ANKRD36: variants seen among roughly 807,000 people sequenced by gnomAD.
ANKRD36 encodes ankyrin repeat domain 36.
Under a neutral mutation model 278.1 loss-of-function variants are expected in ANKRD36, and 179 were observed. The ratio of observed to expected loss-of-function variants is 0.64; its 90% CI spans 0.57 to 0.73. The LOEUF (loss-of-function observed/expected upper bound fraction) is 0.73, where lower values mean the gene tolerates loss of function less well. Among genes scored for constraint, ANKRD36 ranks in the 30% least tolerant of loss-of-function variants. ANKRD36 has a pLI of 0.00. For synonymous variants in ANKRD36, 320 were observed against 641.1 expected, an observed-to-expected ratio of 0.50 and a Z score of 7.57; for missense variants, 1,159 against 1,956.7, an observed-to-expected ratio of 0.59 and a Z score of 7.69.
intron 67 of ANKRD36, among the ~76,000 whole-genome samples, chr2:97,228,270 C>G (rs2070641240): frequency 6.6e-6 from 1 of 152,052 alleles, no homozygotes; most frequent in Admixed American, 6.5e-5. Flanking sequence ...TGGTCCTGGA[C>G]TCTTTTTGGT....
intron 44 of ANKRD36, among the ~76,000 whole-genome samples, chr2:97,199,553 G>A (rs1301051219): frequency 2.0e-5 from 3 of 151,916 alleles, no homozygotes; most frequent in Non-Finnish European, 4.4e-5. Flanking sequence ...GAATATTGCA[G>A]TGATTTCTGA....
At chr2:97,191,297 TGA>T in intron 36 of ANKRD36, 116 bp downstream of exon 36, 1 of 1,216,110 alleles carries the variant, frequency 8.2e-7, no homozygotes, top group Admixed American at 2.9e-5. Context: ...TCAGCTGTCC[TGA>T]GATTCTTCAT....
rs767127465 is a variant in ANKRD36 at position 97,193,009 on chromosome 2, T to G, written c.2405T>G (p.Leu802Trp). The G allele has an allele frequency of 1.3e-6, 2 of 1,573,828 alleles. No homozygotes were observed. The highest frequency in any genetic ancestry group is 2.5e-5 in the East Asian group (1 of 40,684). Residue 802 changes from leucine to tryptophan, a missense_variant, in exon 38 of 76, where the codon TTG becomes TGG. Leu to Trp is a moderately conservative substitution (Grantham distance 61). Coordinates refer to ENST00000420699, the MANE Select transcript of ANKRD36 (RefSeq NM_001354587.1). Reference protein sequence around the residue: ...TATSDEEGSVLSIARENKDGE... With the variant: ...TATSDEEGSVWSIARENKDGE... ...ACAAGTGACGAGGAAGGTTCTGTTT[T>G]GAGTATAGCCAGAGAAAACAAGGAT...
At chr2:97,140,151 A>G (rs2042521416) in intron 6 of ANKRD36, among the ~76,000 whole-genome samples, 1 of 151,606 alleles carries the variant, frequency 6.6e-6, no homozygotes, top group South Asian at 2.1e-4. Flanking sequence ...TCTTGGATCT[A>G]GTAAGGATCT....
intron 40 of ANKRD36, among the ~76,000 whole-genome samples, chr2:97,195,829 A>C (rs1437994096): frequency 7.2e-5 from 11 of 151,922 alleles, no homozygotes; most frequent in Admixed American, 2.6e-4. Context: ...TCTGAATGTA[A>C]AACTTATTAT....
intron 56 of ANKRD36, 66 bp downstream of exon 56, chr2:97,209,938 T>G: frequency 6.6e-7 from 1 of 1,523,054 alleles, no homozygotes; most frequent in Non-Finnish European, 8.8e-7. Flanking sequence ...CTTCCCTGAA[T>G]AAATCAGCGG....
chr2:97,228,557 A>G (rs548689436), intron 67 of ANKRD36, among the ~76,000 whole-genome samples: 487 of 151,860 alleles, frequency 3.2e-3, no homozygotes, highest in Non-Finnish European at 8.7e-4. Flanking sequence ...CTAGCTGTCT[A>G]TCAATTTTGT....
At chr2:97,136,969 G>T (rs2041680179) in intron 6 of ANKRD36, among the ~76,000 whole-genome samples, 1 of 151,726 alleles carries the variant, frequency 6.6e-6, no homozygotes, top group Non-Finnish European at 1.5e-5. Flanking sequence ...ACATAAGAAA[G>T]GAAAAAGGGT....
intron 66 of ANKRD36, 23 bp from the exon 67 acceptor site, chr2:97,224,783 A>T: frequency 8.5e-7 from 1 of 1,176,458 alleles, no homozygotes; most frequent in Non-Finnish European, 1.1e-6. Flanking sequence ...AGCTCATTTT[A>T]ACTAAATATA....
At chr2:97,202,794 C>G (rs1354188563) in intron 48 of ANKRD36, among the ~76,000 whole-genome samples, 1 of 151,754 alleles carries the variant, frequency 6.6e-6, no homozygotes, top group Non-Finnish European at 1.5e-5. Flanking sequence ...CCCGTACACA[C>G]TGTAGGAGAA....
In ANKRD36 at chr2:97,200,521, GA is replaced by G; in HGVS notation, c.2856del (p.Val953CysfsTer9). On this transcript the variant is annotated frameshift_variant, in exon 46 of 76. Transcript: ENST00000420699. LOFTEE classifies it high-confidence loss of function. The part of the protein sequence containing the change: ...REKKDGEISR[K>X]VSSQKPPALK... ...AAAAAAAGGATGGAGAAATATCTAG[GA>G]AAGGTAATTTTGCGAAACACATTTA... is the stretch of plus-strand genomic sequence containing the variant. The G allele has an allele frequency of 6.4e-7, 1 of 1,557,946 alleles. No homozygotes were observed.
intron 62 of ANKRD36, chr2:97,215,879 A>T (rs1418617162): frequency 7.7e-6 from 4 of 518,118 alleles, no homozygotes; most frequent in Non-Finnish European, 1.3e-5. Context: ...GGGAAAAGTG[A>T]TCCTAATACC....
At chr2:97,125,851 C>A (rs1002823965) in intron 5 of ANKRD36, among the ~76,000 whole-genome samples, 37 of 151,942 alleles carry the variant, frequency 2.4e-4, no homozygotes, top group African/African-American at 8.2e-4. Flanking sequence ...ACAGAGCTAA[C>A]CCTCATCTAT....
At chr2:97,229,592 A>G (rs1474169462) in intron 67 of ANKRD36, among the ~76,000 whole-genome samples, 8 of 152,060 alleles carry the variant, frequency 5.3e-5, no homozygotes, top group Non-Finnish European at 7.3e-5. Flanking sequence ...TCTTTATCCA[A>G]TTTGCCAGTC....
intron 15 of ANKRD36, among the ~76,000 whole-genome samples, chr2:97,156,369 C>T (rs571456450): frequency 3.5e-5 from 5 of 144,440 alleles, no homozygotes; most frequent in East Asian, 2.0e-4. Context: ...CTCCCTCCCC[C>T]CTACCCCCAC....
At chr2:97,216,179 G>C (rs2065883703) in intron 62 of ANKRD36, among the ~76,000 whole-genome samples, 1 of 152,026 alleles carries the variant, frequency 6.6e-6, no homozygotes, top group Non-Finnish European at 1.5e-5. Flanking sequence ...TTAGGCATCA[G>C]AGATACATGT....
chr2:97,150,945 T>C (rs531293798), intron 12 of ANKRD36, among the ~76,000 whole-genome samples: 1 of 152,220 alleles, frequency 6.6e-6, no homozygotes, highest in Admixed American at 6.5e-5. Context: ...ATCATCATGG[T>C]TAACTCTTGG....
intron 20 of ANKRD36, among the ~76,000 whole-genome samples, chr2:97,166,857 T>G (rs1346832022): frequency 6.6e-6 from 1 of 152,240 alleles, no homozygotes; most frequent in East Asian, 1.9e-4. Flanking sequence ...AGAAATATAT[T>G]TCTTAAGTAT....
chr2:97,130,176 G>A (rs1264299597), intron 6 of ANKRD36, among the ~76,000 whole-genome samples: 2 of 151,466 alleles, frequency 1.3e-5, no homozygotes. Context: ...ATTCACAATA[G>A]CAAAGACATG....
Sources: gnomAD v4.1 joint callset for allele counts (sites outside exome capture counted in the v4.1 genomes callset) on GRCh38, gnomAD v4.1.1 for gene constraint, MANE v1.5 for transcripts, NCBI Gene and HGNC (gene_info 2026-07-23, HGNC 2026-07-21) for gene names.